The following PHKB variants were observed in gnomAD, a reference collection of about 807,000 sequenced individuals.
PHKB encodes the protein phosphorylase kinase regulatory subunit beta.
Under a neutral mutation model 152.1 loss-of-function variants are expected in PHKB, and 122 were observed. The ratio of observed to expected loss-of-function variants is 0.80; its 90% CI spans 0.69 to 0.93. The LOEUF is 0.93. Ranked by LOEUF, PHKB falls within the 40% of genes least tolerant of loss-of-function variation. The pLI is 0.00. For missense variants in PHKB, 1,304 were observed against 1,328.4 expected (o/e 0.98, Z 0.29); for synonymous variants, 436 against 464.9 (o/e 0.94, Z 0.80).
chr16:47,539,526 A>G (rs1971013703), intron 6 of PHKB, among the ~76,000 whole-genome samples: 1 of 152,148 alleles, frequency 6.6e-6, no homozygotes, highest in South Asian at 2.1e-4. Flanking sequence ...TGAAGAATGT[A>G]TCTATTGGAT....
chr16:47,621,012 G>C (rs1972608950), intron 14 of PHKB, among the ~76,000 whole-genome samples: 1 of 152,198 alleles, frequency 6.6e-6, no homozygotes, highest in African/African-American at 2.4e-5. Flanking sequence ...TCATTGGCTG[G>C]GAGGAGCAGC....
intron 4 of PHKB, among the ~76,000 whole-genome samples, chr16:47,506,021 C>G (rs1175685848): frequency 1.6e-5 from 2 of 126,256 alleles, no homozygotes; most frequent in Non-Finnish European, 3.2e-5. Flanking sequence ...AGAGGGGAAA[C>G]TGTCTCAAAA....
intron 2 of PHKB, among the ~76,000 whole-genome samples, chr16:47,497,987 A>G (rs901920999): frequency 3.3e-5 from 5 of 152,092 alleles, no homozygotes; most frequent in Admixed American, 6.5e-5. Flanking sequence ...TTGTTTTTCA[A>G]TGTGAGTAAG....
At chr16:47,499,679 C>G (rs376231190) in intron 2 of PHKB, 77 bp from the exon 3 acceptor site, 49 of 1,559,852 alleles carry the variant, frequency 3.1e-5, no homozygotes, top group Non-Finnish European at 4.2e-5. Context: ...ATGAGGAAAC[C>G]AAAGAAGATT....
chr16:47,598,869 T>C lies in PHKB; in HGVS notation c.1363+2338T>C, dbSNP rs1972169773. The C allele has an allele frequency of 1.1e-5, 17 of 1,605,218 alleles. No homozygotes were observed. The East Asian group carries it at 3.8e-4, about 36-fold the overall frequency. ...CATTTGTAATCTGTTCTGTATACTT[T>C]CTATATGCTGCATTTTTAGGGATTT... is the stretch of plus-strand genomic sequence containing the variant. On this transcript the variant is annotated intron_variant, in intron 13 of 30. Transcript: ENST00000323584.
intron 20 of PHKB, among the ~76,000 whole-genome samples, chr16:47,657,182 T>G: frequency 6.6e-6 from 1 of 152,206 alleles, no homozygotes; most frequent in Admixed American, 6.5e-5. Context: ...GTTTGTAATC[T>G]TTTTCAGCTC....
intron 13 of PHKB, among the ~76,000 whole-genome samples, chr16:47,610,613 G>C (rs1972409572): frequency 6.6e-6 from 1 of 151,952 alleles, no homozygotes; most frequent in Non-Finnish European, 1.5e-5. Flanking sequence ...TTCCCTTGTG[G>C]TCAGACAATA....
chr16:47,521,748 G>T (rs528404038), intron 6 of PHKB, among the ~76,000 whole-genome samples: 6 of 151,370 alleles, frequency 4.0e-5, no homozygotes, highest in Non-Finnish European at 8.8e-5. Context: ...TCTATTCCTC[G>T]TTTCTTGAGT....
rs780761137 is a variant in PHKB at position 47,497,529 on chromosome 16, G to A, written c.166+41G>A. ...GGAAAACGTGTCCTTAGGTATCTGC[G>A]ATTAGTATTCCCCTTGCCCTAGTTA... On this transcript the variant is annotated intron_variant, in intron 2 of 30. Transcript: ENST00000323584. 3.3e-5 allele frequency: 37 copies of A among 1,112,116 alleles called. No individual in the cohort carries two copies. The East Asian group carries it at 4.0e-4, about 12-fold the overall frequency. 68.9% of individuals were successfully genotyped at this position (1,112,116 alleles called of 1,614,324 possible).
rs551715425 is a variant in PHKB, at chr16:47,528,643, A to G, written c.594+13042A>G. Among the ~76,000 whole-genome samples, 3 of 152,092 alleles carry G rather than the reference A, an allele frequency of 2.0e-5. No homozygotes were observed. In the South Asian group the frequency reaches 6.2e-4, roughly 31 times the overall value. ...GTATCATGTAAAGTTTCACTTGGCT[A>G]CAAATAAAAGAAAACCCATCGAACA... On this transcript the variant is annotated intron_variant, in intron 6 of 30. Transcript: ENST00000323584.
In PHKB at chr16:47,699,309, T is replaced by C; in HGVS notation, c.3225T>C (p.Asn1075=). The C allele has an allele frequency of 6.2e-7, 1 of 1,614,150 alleles. No homozygotes were observed. The highest frequency in any genetic ancestry group is 2.2e-5 in the East Asian group (1 of 44,884). Residue 1075 remains asparagine, a synonymous_variant, in exon 31 of 31, where the codon AAT becomes AAC. Coordinates refer to ENST00000323584, the MANE Select transcript of PHKB (RefSeq NM_000293.3). ...GCTATTTGACAAAGGCGGTGATGAA[T>C]CTGCTGCTGGAAGGAGAAGTCAAGC... is the stretch of plus-strand genomic sequence containing the variant. ...TCSYLTKAVM[N]LLLEGEVKPN...
chr16:47,560,623 A>T (rs1363113066), intron 7 of PHKB, among the ~76,000 whole-genome samples: 4 of 152,210 alleles, frequency 2.6e-5, no homozygotes, highest in Non-Finnish European at 5.9e-5. Context: ...ATCTGTAATC[A>T]ATCGATTTTC....
chr16:47,528,823 A>G (rs1015311014), intron 6 of PHKB, among the ~76,000 whole-genome samples: 23 of 151,696 alleles, frequency 1.5e-4, no homozygotes, highest in African/African-American at 5.3e-4. Context: ...CAGCCTCCCA[A>G]GTAACTGGGA....
At chr16:47,520,559 T>C (rs1215953938) in intron 6 of PHKB, among the ~76,000 whole-genome samples, 1 of 152,194 alleles carries the variant, frequency 6.6e-6, no homozygotes, top group Non-Finnish European at 1.5e-5. Context: ...CAGATATGAG[T>C]GACATATATG....
chr16:47,566,959 G>C, intron 7 of PHKB: 1 of 527,766 alleles, frequency 1.9e-6, no homozygotes, highest in Non-Finnish European at 3.4e-6. Flanking sequence ...GAGAGGCTTT[G>C]TGTGTCTATT....
At chr16:47,541,320 A>G (rs1235394458) in intron 6 of PHKB, among the ~76,000 whole-genome samples, 17 of 152,340 alleles carry the variant, frequency 1.1e-4, no homozygotes, top group Non-Finnish European at 2.2e-4. Context: ...CGCAAAGGAC[A>G]TGAGCTCATC....
At chr16:47,581,179 G>T (rs957365779) in intron 8 of PHKB, among the ~76,000 whole-genome samples, 1 of 152,164 alleles carries the variant, frequency 6.6e-6, no homozygotes. Flanking sequence ...CATGGTTTTT[G>T]TTATGGCAAT....
intron 1 of PHKB, among the ~76,000 whole-genome samples, chr16:47,476,576 CTCTT>C (rs1330454696): frequency 1.3e-5 from 2 of 152,128 alleles, no homozygotes; most frequent in Admixed American, 6.5e-5. Flanking sequence ...TATCAGTGCA[CTCTT>C]TCTTCTGCTG....
intron 2 of PHKB, among the ~76,000 whole-genome samples, chr16:47,498,265 T>G (rs997589039): frequency 6.6e-6 from 1 of 152,256 alleles, no homozygotes; most frequent in African/African-American, 2.4e-5. Context: ...AATAACTAGC[T>G]AAAGAGAACT....
Sources: allele counts gnomAD v4.1 joint callset (sites outside exome capture counted in the v4.1 genomes callset), GRCh38; gene constraint gnomAD v4.1.1; transcripts MANE v1.5; gene names NCBI Gene and HGNC (gene_info 2026-07-23, HGNC 2026-07-21).